The following PHKB variants were observed in gnomAD, a reference collection of about 807,000 sequenced individuals.
The protein encoded by PHKB is phosphorylase b kinase regulatory subunit beta.
In PHKB, 122 loss-of-function variants were observed where a neutral mutation model predicts 152.1. The observed-to-expected ratio is 0.80, with a 90% CI of 0.69 to 0.93. PHKB has a LOEUF of 0.93. Among genes scored for constraint, PHKB ranks in the 40% least tolerant of loss-of-function variants. PHKB has a pLI of 0.00. For synonymous variants in PHKB, 436 were observed against 464.9 expected, an observed-to-expected ratio of 0.94 and a Z score of 0.80; for missense variants, 1,304 against 1,328.4, an observed-to-expected ratio of 0.98 and a Z score of 0.29.
At chr16:47,569,175 ATTTG>A (rs1162319634) in intron 7 of PHKB, among the ~76,000 whole-genome samples, 2 of 152,196 alleles carry the variant, frequency 1.3e-5, no homozygotes, top group Non-Finnish European at 2.9e-5. Context: ...GTCTAGCAGA[ATTTG>A]TTTGATGACT....
chr16:47,540,698 G>A (rs1971039498), intron 6 of PHKB, among the ~76,000 whole-genome samples: 2 of 151,966 alleles, frequency 1.3e-5, no homozygotes, highest in Admixed American at 1.3e-4. Flanking sequence ...ACTGGGGACA[G>A]GTTCCCCCGA....
At chr16:47,607,839 C>T (rs1393909138) in intron 13 of PHKB, among the ~76,000 whole-genome samples, 1 of 152,122 alleles carries the variant, frequency 6.6e-6, no homozygotes, top group East Asian at 1.9e-4. Flanking sequence ...TTTGCCAACA[C>T]TTGTTCTTAC....
At chr16:47,693,238 A>G in intron 27 of PHKB, 140 bp from the exon 28 acceptor site, 1 of 796,288 alleles carries the variant, frequency 1.3e-6, no homozygotes, top group Admixed American at 2.0e-5. Context: ...TAGCCTCTGT[A>G]ACACACGGAG....
chr16:47,524,752 T>C (rs771227929), intron 6 of PHKB, among the ~76,000 whole-genome samples: 3 of 152,224 alleles, frequency 2.0e-5, no homozygotes. Flanking sequence ...CTAACGTTAG[T>C]ATTCATTTGT....
chr16:47,698,552 A>G lies in PHKB; in HGVS notation c.3108A>G (p.Gln1036=), dbSNP rs770990984. The G allele has an allele frequency of 2.5e-6, 4 of 1,612,110 alleles. No individual in the cohort carries two copies. The highest frequency in any genetic ancestry group is 1.7e-5 in the Admixed American group (1 of 59,944). ...TCAAAGAAGCATTTAATGAATTTCA[A>G]AAAGATCAGAGTCGGCTAAAGGAAA... ...RLVKEAFNEF[Q]KDQSRLKEIE... The change falls in exon 30 of 31, where the codon CAA becomes CAG. Residue 1036 remains glutamine, a synonymous_variant. Transcript: ENST00000323584.
At chr16:47,565,944 C>T (rs1597090225) in intron 7 of PHKB, 1 of 929,498 alleles carries the variant, frequency 1.1e-6, no homozygotes, top group East Asian at 2.5e-5. Flanking sequence ...ATCATCACGC[C>T]TATAATCATC....
intron 26 of PHKB, among the ~76,000 whole-genome samples, chr16:47,675,011 C>T (rs1331688040): frequency 6.6e-6 from 1 of 152,202 alleles, no homozygotes; most frequent in African/African-American, 2.4e-5. Flanking sequence ...CAAATGAGTT[C>T]CCCTTTCTTA....
chr16:47,483,034 CTTTTTTT>C (rs35429055), intron 1 of PHKB, among the ~76,000 whole-genome samples: 9 of 91,852 alleles, frequency 9.8e-5, no homozygotes, highest in Admixed American at 1.5e-4. Flanking sequence ...TAAATAATTT[CTTTTTTT>C]TTTTTTTTTT....
chr16:47,484,369 T>C (rs891968263), intron 1 of PHKB, among the ~76,000 whole-genome samples: 1 of 152,204 alleles, frequency 6.6e-6, no homozygotes, highest in Non-Finnish European at 1.5e-5. Context: ...ATGTGAAATA[T>C]GTTTCTTACC....
At position 47,565,890 on chromosome 16, in the gene PHKB, C is replaced by T. The variant is rs913025867; in HGVS notation, c.711-14405C>T. On this transcript the variant is annotated intron_variant, in intron 7 of 30. Coordinates refer to ENST00000323584, the MANE Select transcript of PHKB (RefSeq NM_000293.3). ...AGAGGAATTATCTTCCTTAGGAGTA[C>T]TCTGAGGCTTTAGATTCAGTTTGGG... 1.6e-5 allele frequency: 19 copies of T among 1,157,012 alleles called. No homozygotes were observed. In the African/African-American group the frequency reaches 2.6e-4, roughly 16 times the overall value. The allele number at this position is 1,157,012 out of a possible 1,614,324, so 71.7% of individuals were successfully genotyped here.
chr16:47,499,036 T>C (rs1295487922), intron 2 of PHKB, among the ~76,000 whole-genome samples: 1 of 152,276 alleles, frequency 6.6e-6, no homozygotes, highest in Non-Finnish European at 1.5e-5. Context: ...TGTGTTTTCC[T>C]ATTTTAGAGC....
intron 6 of PHKB, among the ~76,000 whole-genome samples, chr16:47,535,042 C>T (rs1228774576): frequency 1.3e-5 from 2 of 152,246 alleles, no homozygotes; most frequent in South Asian, 2.1e-4. Flanking sequence ...ATCAAGGTTA[C>T]GCAAAGCTTT....
chr16:47,551,661 G>A (rs185845821), intron 7 of PHKB, among the ~76,000 whole-genome samples: 7 of 152,300 alleles, frequency 4.6e-5, no homozygotes, highest in South Asian at 2.1e-4. Flanking sequence ...GAATAAGTGC[G>A]ATGTGGTGCT....
intron 1 of PHKB, among the ~76,000 whole-genome samples, chr16:47,481,265 A>G (rs1041456373): frequency 2.0e-5 from 3 of 152,190 alleles, no homozygotes; most frequent in African/African-American, 7.2e-5. Context: ...TTTCTTGAAG[A>G]CTTATTAGCA....
intron 1 of PHKB, among the ~76,000 whole-genome samples, chr16:47,484,782 T>C (rs1324624975): frequency 2.0e-5 from 3 of 152,222 alleles, no homozygotes; most frequent in Non-Finnish European, 4.4e-5. Flanking sequence ...ATATAAACTA[T>C]CTTGTGCAAT....
chr16:47,598,679 C>A (rs1972165810), intron 13 of PHKB: 1 of 1,547,676 alleles, frequency 6.5e-7, no homozygotes, highest in Admixed American at 1.7e-5. Flanking sequence ...CACTGATCGG[C>A]AGGAGGCTCT....
At position 47,587,846 on chromosome 16, in the gene PHKB, A is replaced by G. The variant is rs1971961158; in HGVS notation, c.870+83A>G. The G allele has an allele frequency of 4.8e-6, 5 of 1,032,288 alleles. No homozygotes were observed. The South Asian group carries it at 5.3e-5, about 11-fold the overall frequency. 63.9% of individuals were successfully genotyped at this position (1,032,288 alleles called of 1,614,324 possible). A position where few individuals can be genotyped will look rare whatever the true frequency, so the allele number is the denominator to read the frequency against. ...GTTATATCTTAATTTCCAGTAAAGT[A>G]CTCTAAAATGTTAGTGATCGTCCAG... is the stretch of plus-strand genomic sequence containing the variant. On this transcript the variant is annotated intron_variant, in intron 9 of 30. Coordinates refer to ENST00000323584, the MANE Select transcript of PHKB (RefSeq NM_000293.3).
intron 26 of PHKB, among the ~76,000 whole-genome samples, chr16:47,673,399 G>A (rs1398045161): frequency 2.0e-5 from 3 of 152,054 alleles, no homozygotes; most frequent in East Asian, 1.9e-4. Flanking sequence ...AACATACTTG[G>A]TTTTGTGCCA....
chr16:47,641,984 A>G (rs1973032095), intron 16 of PHKB, among the ~76,000 whole-genome samples: 1 of 152,196 alleles, frequency 6.6e-6, no homozygotes, highest in Non-Finnish European at 1.5e-5. Context: ...GCAGTTAAAT[A>G]ACAAGTTAGT....
Sources: allele counts gnomAD v4.1 joint callset (sites outside exome capture counted in the v4.1 genomes callset), GRCh38; gene constraint gnomAD v4.1.1; transcripts MANE v1.5; gene names NCBI Gene and HGNC (gene_info 2026-07-23, HGNC 2026-07-21).